NKAIN3: variants seen among roughly 807,000 people sequenced by gnomAD.
NKAIN3 encodes the protein sodium/potassium transporting ATPase interacting 3.
Under a neutral mutation model 30.2 loss-of-function variants are expected in NKAIN3, and 25 were observed. That is an observed-to-expected ratio of 0.83 (90% confidence interval 0.60 to 1.16). The LOEUF (loss-of-function observed/expected upper bound fraction) is 1.16. Ranked by LOEUF, NKAIN3 falls within the 50% of genes most tolerant of loss-of-function variation. The pLI, the probability that NKAIN3 is intolerant of heterozygous loss-of-function variation, is 0.00. For missense variants in NKAIN3, 225 were observed against 254.1 expected, an observed-to-expected ratio of 0.89 and a Z score of 0.78; for synonymous variants, 91 against 89.6, an observed-to-expected ratio of 1.02 and a Z score of -0.09.
chr8:62,714,966 G>A (rs1814847291), intron 3 of NKAIN3, among the ~76,000 whole-genome samples: 1 of 152,192 alleles, frequency 6.6e-6, no homozygotes, highest in African/African-American at 2.4e-5. Context: ...TTAAAGAAAA[G>A]AGGTTGAATT....
At chr8:62,285,951 G>T (rs1392877572) in intron 1 of NKAIN3, among the ~76,000 whole-genome samples, 1 of 152,152 alleles carries the variant, frequency 6.6e-6, no homozygotes, top group East Asian at 1.9e-4. Context: ...TATGTATGAT[G>T]CACCTTCTTC....
At chr8:62,350,676 T>G (rs145199484) in intron 1 of NKAIN3, among the ~76,000 whole-genome samples, 144 of 152,164 alleles carry the variant, frequency 9.5e-4, no homozygotes, top group African/African-American at 3.2e-3. Context: ...TAGAGAGTAA[T>G]GAGCTTTTTA....
intron 3 of NKAIN3, among the ~76,000 whole-genome samples, chr8:62,707,750 T>G (rs745640040): frequency 1.3e-5 from 2 of 152,206 alleles, no homozygotes; most frequent in African/African-American, 2.4e-5. Flanking sequence ...GCTATTTATC[T>G]TTGTTTTTGA....
chr8:62,670,582 C>G (rs370667796), intron 3 of NKAIN3, among the ~76,000 whole-genome samples: 5 of 150,694 alleles, frequency 3.3e-5, no homozygotes, highest in East Asian at 4.0e-4. Context: ...AGAGAGTAGT[C>G]TCTTCCTAAT....
At chr8:62,881,623 T>C (rs1820985084) in intron 4 of NKAIN3, among the ~76,000 whole-genome samples, 1 of 152,208 alleles carries the variant, frequency 6.6e-6, no homozygotes, top group African/African-American at 2.4e-5. Flanking sequence ...ATACCACAGT[T>C]TATCCATTCA....
At chr8:62,627,417 C>T (rs1349799503) in intron 3 of NKAIN3, among the ~76,000 whole-genome samples, 1 of 152,040 alleles carries the variant, frequency 6.6e-6, no homozygotes, top group African/African-American at 2.4e-5. Context: ...ATAGACCTGG[C>T]TGGGACCAGG....
chr8:62,829,452 GA>G (rs1819126275), intron 4 of NKAIN3, among the ~76,000 whole-genome samples: 2 of 152,016 alleles, frequency 1.3e-5, no homozygotes, highest in African/African-American at 4.8e-5. Context: ...ACTTAGTGAA[GA>G]AAAAAATACC....
At chr8:62,350,835 C>T (rs1243931154) in intron 1 of NKAIN3, among the ~76,000 whole-genome samples, 6 of 151,776 alleles carry the variant, frequency 4.0e-5, no homozygotes, top group Non-Finnish European at 7.4e-5. Context: ...TGATTACAGG[C>T]ACTGCCACCA....
At chr8:62,551,854 TC>T (rs1367391349) in intron 1 of NKAIN3, among the ~76,000 whole-genome samples, 1 of 152,220 alleles carries the variant, frequency 6.6e-6, no homozygotes, top group African/African-American at 2.4e-5. Flanking sequence ...TTATCCTGCT[TC>T]TTTGGCTTGA....
intron 1 of NKAIN3, among the ~76,000 whole-genome samples, chr8:62,457,050 A>G (rs930996679): frequency 2.0e-5 from 3 of 152,216 alleles, no homozygotes; most frequent in Non-Finnish European, 4.4e-5. Context: ...GCATATCTCC[A>G]GTGCCTGGCA....
At chr8:62,844,069 G>C (rs140790290) in intron 4 of NKAIN3, among the ~76,000 whole-genome samples, 34 of 152,292 alleles carry the variant, frequency 2.2e-4, no homozygotes, top group African/African-American at 7.5e-4. Flanking sequence ...AAGGTTATTT[G>C]CATGACAAAT....
intron 1 of NKAIN3, among the ~76,000 whole-genome samples, chr8:62,377,313 A>G (rs1817119381): frequency 6.6e-6 from 1 of 152,160 alleles, no homozygotes; most frequent in Non-Finnish European, 1.5e-5. Context: ...CTCTTTCTTC[A>G]AATAAAAGCT....
intron 3 of NKAIN3, among the ~76,000 whole-genome samples, chr8:62,603,011 T>C (rs1811028943): frequency 6.6e-6 from 1 of 152,138 alleles, no homozygotes; most frequent in Admixed American, 6.6e-5. Context: ...CTTTTATAGC[T>C]TATATTCAAA....
chr8:62,822,504 T>A (rs1347966306), intron 4 of NKAIN3, among the ~76,000 whole-genome samples: 1 of 152,168 alleles, frequency 6.6e-6, no homozygotes, highest in Non-Finnish European at 1.5e-5. Flanking sequence ...CCTAAATACC[T>A]AAATTAACTA....
At chr8:62,947,914 T>C (rs771338237) in intron 5 of NKAIN3, among the ~76,000 whole-genome samples, 5 of 152,162 alleles carry the variant, frequency 3.3e-5, no homozygotes, top group Non-Finnish European at 7.4e-5. Flanking sequence ...AATAAACCTT[T>C]CCTGCTAGGC....
intron 1 of NKAIN3, among the ~76,000 whole-genome samples, chr8:62,498,907 T>C (rs923038794): frequency 6.6e-6 from 1 of 152,112 alleles, no homozygotes; most frequent in African/African-American, 2.4e-5. Context: ...TCCTTTTTGT[T>C]CCGAGATATC....
At chr8:62,707,024 T>G (rs1477662356) in intron 3 of NKAIN3, among the ~76,000 whole-genome samples, 2 of 151,220 alleles carry the variant, frequency 1.3e-5, no homozygotes, top group Admixed American at 6.6e-5. Flanking sequence ...TCATCCCTTT[T>G]TATGGCTGCA....
chr8:62,599,745 A>G (rs1810937354), intron 3 of NKAIN3, among the ~76,000 whole-genome samples: 1 of 152,090 alleles, frequency 6.6e-6, no homozygotes, highest in Non-Finnish European at 1.5e-5. Context: ...TATTAATTAA[A>G]TCATTTCCTT....
chr8:62,717,079 G>A (rs184971589), intron 3 of NKAIN3, among the ~76,000 whole-genome samples: 18 of 152,216 alleles, frequency 1.2e-4, no homozygotes, highest in African/African-American at 3.6e-4. Flanking sequence ...TATGTGAAAG[G>A]GCTTTCGATC....
Sources: allele counts gnomAD v4.1 joint callset (sites outside exome capture counted in the v4.1 genomes callset), GRCh38; gene constraint gnomAD v4.1.1; transcripts MANE v1.5; gene names NCBI Gene and HGNC (gene_info 2026-07-23, HGNC 2026-07-21).